Variants in MINDY4B observed in about 807,000 individuals in gnomAD.
The protein encoded by MINDY4B is inactive ubiquitin carboxyl-terminal hydrolase MINDY-4B.
Under a neutral mutation model 16.7 loss-of-function variants are expected in MINDY4B, and 25 were observed. The ratio of observed to expected loss-of-function variants is 1.49; its 90% CI spans 1.09 to 2.09. MINDY4B has a LOEUF of 2.09. MINDY4B is among the 30% of genes most tolerant of loss of function. The pLI is 0.00. For missense variants in MINDY4B, 327 were observed against 168.4 expected (o/e 1.94, Z -5.21); for synonymous variants, 132 against 61.9 (o/e 2.13, Z -5.32).
At chr3:150,891,124 G>T in intron 5 of MINDY4B, 21 bp from the exon 6 acceptor site, 1 of 691,656 alleles carries the variant, frequency 1.4e-6, no homozygotes. Flanking sequence ...GAAGGCAGGA[G>T]TAGGAAACCA....
chr3:150,888,735 C>T (rs1324605915), intron 7 of MINDY4B, among the ~76,000 whole-genome samples: 2 of 152,178 alleles, frequency 1.3e-5, no homozygotes, highest in African/African-American at 4.8e-5. Context: ...GTTGCAGAGT[C>T]CACTTCTGTG....
chr3:150,879,090 C>T (rs922792647), intron 10 of MINDY4B, among the ~76,000 whole-genome samples: 1 of 152,178 alleles, frequency 6.6e-6, no homozygotes, highest in African/African-American at 2.4e-5. Context: ...TTTCCAAAGC[C>T]TTGCAACTGT....
intron 5 of MINDY4B, 37 bp from the exon 6 acceptor site, chr3:150,891,140 A>G: frequency 1.5e-6 from 1 of 685,208 alleles, no homozygotes; most frequent in South Asian, 1.5e-5. Context: ...AACCATTGGA[A>G]TGAACATCAC....
At chr3:150,874,569 A>G (rs1196804801) in intron 10 of MINDY4B, among the ~76,000 whole-genome samples, 5 of 152,376 alleles carry the variant, frequency 3.3e-5, no homozygotes, top group African/African-American at 7.2e-5. Flanking sequence ...GGACAAACCC[A>G]TGATTTCCAT....
chr3:150,897,084 G>A (rs1468842830), intron 3 of MINDY4B, among the ~76,000 whole-genome samples: 1 of 152,126 alleles, frequency 6.6e-6, no homozygotes, highest in Non-Finnish European at 1.5e-5. Flanking sequence ...GAGTGGACAA[G>A]GGGATCACTT....
rs535800659 is a variant in MINDY4B, at chr3:150,876,685, G to A, written c.1060-3318C>T. Among the ~76,000 whole-genome samples the A allele has an allele frequency of 1.5e-4, 23 of 152,296 alleles. No homozygotes were observed. The South Asian group carries it at 2.9e-3, about 19-fold the overall frequency. ...CTATCAGACTCTCTAAAGGGAAAAC[G>A]TAAAGGGGGAAGAAGGTATGACTGG... On this transcript the variant is annotated intron_variant, in intron 10 of 11. Transcript: ENST00000465419.
Position 150,890,314 on chromosome 3 carries a change from A to G in MINDY4B, c.753+6T>C. 2 of 579,936 alleles carry G rather than the reference A, an allele frequency of 3.4e-6. No individual in the cohort carries two copies. Among genetic ancestry groups the G allele is most frequent in the South Asian group, 4.3e-5 (2 of 46,856 alleles). The allele number at this position is 579,936 out of a possible 1,614,324, so 35.9% of individuals were successfully genotyped here. On this transcript the variant is annotated splice_donor_region_variant and intron_variant, in intron 7 of 11. Coordinates refer to ENST00000465419, the MANE Select transcript of MINDY4B (RefSeq NM_001351281.2). ...AAAGGAATTATCTCAACACTTAAAC[A>G]CTTACACATAGTAAGTGATCGTAGA...
chr3:150,888,293 C>T (rs1183737921), intron 7 of MINDY4B, among the ~76,000 whole-genome samples: 1 of 152,094 alleles, frequency 6.6e-6, no homozygotes. Flanking sequence ...GTAAAAGATA[C>T]CAGCCACTGG....
At chr3:150,895,268 T>C (rs1711930511) in intron 3 of MINDY4B, among the ~76,000 whole-genome samples, 1 of 152,238 alleles carries the variant, frequency 6.6e-6, no homozygotes, top group Non-Finnish European at 1.5e-5. Context: ...ACACCTGCCC[T>C]ACTTTAATCA....
chr3:150,897,699 T>C (rs1174348202), intron 3 of MINDY4B, among the ~76,000 whole-genome samples: 1 of 152,176 alleles, frequency 6.6e-6, no homozygotes, highest in Non-Finnish European at 1.5e-5. Flanking sequence ...AAGAAAAGGT[T>C]GTCTCTACTG....
At chr3:150,896,849 CTATT>C (rs10560788) in intron 3 of MINDY4B, among the ~76,000 whole-genome samples, 4,949 of 152,230 alleles carry the variant, frequency 0.033, 273 homozygotes, top group African/African-American at 0.11. Flanking sequence ...AACTTGGAAT[CTATT>C]TATTTAAGAA....
intron 4 of MINDY4B, among the ~76,000 whole-genome samples, chr3:150,893,745 C>T (rs1449104348): frequency 1.3e-5 from 2 of 149,924 alleles, no homozygotes; most frequent in Admixed American, 1.3e-4. Context: ...GGCTGGAGTG[C>T]AGTGGCCTGC....
chr3:150,881,069 A>C (rs191591730), intron 10 of MINDY4B, among the ~76,000 whole-genome samples: 50 of 152,280 alleles, frequency 3.3e-4, no homozygotes, highest in African/African-American at 1.2e-3. Context: ...CATCCACACA[A>C]TAGAACTCTT....
intron 3 of MINDY4B, among the ~76,000 whole-genome samples, chr3:150,897,757 G>GA (rs2107909624): frequency 1.3e-5 from 2 of 152,326 alleles, no homozygotes; most frequent in Non-Finnish European, 2.9e-5. Flanking sequence ...CCCACTTGAA[G>GA]AAAAACTATG....
At chr3:150,877,425 G>T (rs1424161464) in intron 10 of MINDY4B, among the ~76,000 whole-genome samples, 1 of 152,108 alleles carries the variant, frequency 6.6e-6, no homozygotes, top group Admixed American at 6.5e-5. Flanking sequence ...TCTCCAATCC[G>T]GTCATACTTA....
rs1292286851 is a variant in MINDY4B at position 150,905,433 on chromosome 3, T to A, written c.7A>T (p.Met3Leu). ...CTTTGTTCCTGGCCCAAGACCTCCA[T>A]ATCCATTTGGATAATGGGAGGAACT... Reference protein sequence around the residue: MDMEVLGQEQSSE... With the variant: MDLEVLGQEQSSE... Residue 3 changes from methionine to leucine, a missense_variant, in exon 1 of 12, where the codon ATG becomes TTG. Physicochemically the swap from Met to Leu is conservative, Grantham distance 15. Transcript: ENST00000465419. 2.5e-6 allele frequency: 1 copy of A among 398,378 alleles called. No individual in the cohort carries two copies. The highest frequency in any genetic ancestry group is 2.1e-5 in the African/African-American group (1 of 48,626). 24.7% of individuals were successfully genotyped at this position (398,378 alleles called of 1,614,324 possible). A position where few individuals can be genotyped will look rare whatever the true frequency, so the allele number is the denominator to read the frequency against.
chr3:150,903,112 T>A (rs1294928661), intron 3 of MINDY4B, 137 bp downstream of exon 3: 4 of 396,184 alleles, frequency 1.0e-5, no homozygotes, highest in Non-Finnish European at 1.8e-5. Flanking sequence ...TTTAATTATA[T>A]TCTCCTTTTA....
chr3:150,881,348 C>T (rs1014200546), intron 10 of MINDY4B, among the ~76,000 whole-genome samples: 3 of 151,882 alleles, frequency 2.0e-5, no homozygotes, highest in Non-Finnish European at 4.4e-5. Context: ...GGCACCACTG[C>T]ACTCCAGCCT....
At chr3:150,897,637 G>T (rs1009256483) in intron 3 of MINDY4B, among the ~76,000 whole-genome samples, 1 of 152,176 alleles carries the variant, frequency 6.6e-6, no homozygotes, top group African/African-American at 2.4e-5. Context: ...TGGCCCAGGG[G>T]CCGGTTTAAG....
Sources: allele counts gnomAD v4.1 joint callset (sites outside exome capture counted in the v4.1 genomes callset), GRCh38; gene constraint gnomAD v4.1.1; transcripts MANE v1.5; gene names NCBI Gene and HGNC (gene_info 2026-07-23, HGNC 2026-07-21).